FRMPD4: variants seen among roughly 807,000 people sequenced by gnomAD.
FRMPD4 encodes the protein FERM and PDZ domain containing 4.
Under a neutral mutation model 94.1 loss-of-function variants are expected in FRMPD4, and 22 were observed. That is an observed-to-expected ratio of 0.23 (90% CI 0.17 to 0.33). The LOEUF is 0.33. Ranked by LOEUF, FRMPD4 falls within the 10% of genes least tolerant of loss-of-function variation. The probability of loss-of-function intolerance (pLI) is 1.00; values close to 1 mark genes in which losing one functional copy is unlikely to be tolerated. For synonymous variants in FRMPD4, 631 were observed against 548.6 expected (o/e 1.15, Z -2.10); for missense variants, 1,111 against 1,339.9 (o/e 0.83, Z 2.67).
chrX:12,365,685 T>C (rs1224182048), intron 1 of FRMPD4, among the ~76,000 whole-genome samples: 1 of 111,958 alleles, frequency 8.9e-6, no homozygotes, highest in East Asian at 2.8e-4. Context: ...TTCACTTGCC[T>C]CTACCCATTC....
chrX:12,437,611 A>T (rs758530553), intron 1 of FRMPD4, among the ~76,000 whole-genome samples: 3 of 111,223 alleles, frequency 2.7e-5, no homozygotes, highest in African/African-American at 9.8e-5. Context: ...GAACTTTTTC[A>T]GTTTTACTCA....
chrX:12,224,335 A>G (rs2056900409), intron 1 of FRMPD4, among the ~76,000 whole-genome samples: 1 of 109,838 alleles, frequency 9.1e-6, no homozygotes, highest in Admixed American at 9.8e-5. Context: ...TGCAACCTCA[A>G]CCTCCCCAGG....
chrX:12,550,699 G>A (rs766176798), intron 2 of FRMPD4, among the ~76,000 whole-genome samples: 1 of 109,859 alleles, frequency 9.1e-6, no homozygotes, highest in East Asian at 2.8e-4. Flanking sequence ...TTGGACCTTG[G>A]GTACAAAAGA....
At chrX:11,891,088 A>G in intron 3 of FRMPD4, among the ~76,000 whole-genome samples, 1 of 112,571 alleles carries the variant, frequency 8.9e-6, no homozygotes, top group Admixed American at 9.3e-5. Context: ...CATTTTCTCT[A>G]CTTCCTCTTT....
At chrX:12,234,198 G>A (rs1000354231) in intron 1 of FRMPD4, among the ~76,000 whole-genome samples, 1 of 110,860 alleles carries the variant, frequency 9.0e-6, no homozygotes, top group East Asian at 2.8e-4. Context: ...GTGTGCATGC[G>A]CACAACCAGT....
At chrX:12,644,490 T>A (rs755206088) in intron 4 of FRMPD4, among the ~76,000 whole-genome samples, 63 of 111,446 alleles carry the variant, frequency 5.7e-4, no homozygotes, top group African/African-American at 1.8e-3. Flanking sequence ...ATTTCTGAGG[T>A]CCTAATTGAA....
At chrX:11,987,242 T>C (rs2054436426) in intron 3 of FRMPD4, among the ~76,000 whole-genome samples, 1 of 109,983 alleles carries the variant, frequency 9.1e-6, no homozygotes, top group African/African-American at 3.3e-5. Context: ...TGGGATATAT[T>C]GTAGAGATTC....
chrX:12,661,802 C>T (rs2059716783), intron 4 of FRMPD4, among the ~76,000 whole-genome samples: 1 of 112,001 alleles, frequency 8.9e-6, no homozygotes, highest in African/African-American at 3.2e-5. Flanking sequence ...AATCTCTCTT[C>T]AGAGTGTTGC....
intron 5 of FRMPD4, among the ~76,000 whole-genome samples, chrX:12,679,773 C>T (rs1284843297): frequency 8.9e-6 from 1 of 111,999 alleles, no homozygotes; most frequent in Non-Finnish European, 1.9e-5. Flanking sequence ...CCTTGTTTCC[C>T]AGAGGTTCCC....
chrX:12,505,108 A>C (rs747107600), intron 2 of FRMPD4, among the ~76,000 whole-genome samples: 1 of 111,835 alleles, frequency 8.9e-6, no homozygotes, highest in African/African-American at 3.2e-5. Context: ...TATCACAGGG[A>C]TGGCCAACCT....
chrX:12,500,008 C>T lies in FRMPD4; in HGVS notation c.158+1212C>T, dbSNP rs546626570. Among the ~76,000 whole-genome samples the T allele has an allele frequency of 1.6e-3, 175 of 110,627 alleles. 1 individual carries two copies. Among genetic ancestry groups the T allele is most frequent in the Middle Eastern group, 4.6e-3 (1 of 216 alleles). On this transcript the variant is annotated intron_variant, in intron 2 of 16. Coordinates refer to ENST00000675598, the MANE Select transcript of FRMPD4 (RefSeq NM_001368397.1). Reference sequence around the variant, plus strand: ...TGGCTGCAGAGTGGTTTTTTTGTTTCGTTTTTTTGTTTGTTTGTTTGTTTG... The same window carrying T: ...TGGCTGCAGAGTGGTTTTTTTGTTTTGTTTTTTTGTTTGTTTGTTTGTTTG...
intron 1 of FRMPD4, among the ~76,000 whole-genome samples, chrX:12,178,418 C>T (rs1276100089): frequency 8.9e-6 from 1 of 112,097 alleles, no homozygotes; most frequent in African/African-American, 3.2e-5. Flanking sequence ...CTACTCTAGT[C>T]TGCATGATAT....
intron 1 of FRMPD4, among the ~76,000 whole-genome samples, chrX:12,450,828 C>G (rs1163594177): frequency 7.0e-5 from 6 of 85,735 alleles, no homozygotes; most frequent in African/African-American, 2.6e-4. Context: ...ATGGAAATAA[C>G]TCTTTGGTTT....
chrX:12,423,520 T>TGATA (rs1190515360), intron 1 of FRMPD4, among the ~76,000 whole-genome samples: 2 of 111,857 alleles, frequency 1.8e-5, no homozygotes, highest in Non-Finnish European at 3.8e-5. Context: ...TCCACCTTTT[T>TGATA]GATATATTTC....
intron 1 of FRMPD4, among the ~76,000 whole-genome samples, chrX:12,413,188 A>T (rs747396206): frequency 9.0e-6 from 1 of 111,694 alleles, no homozygotes; most frequent in African/African-American, 3.3e-5. Flanking sequence ...AATGATTGAC[A>T]TGAGTCGGTA....
intron 1 of FRMPD4, among the ~76,000 whole-genome samples, chrX:12,214,393 C>T (rs1421302088): frequency 8.9e-6 from 1 of 112,021 alleles, no homozygotes; most frequent in Non-Finnish European, 1.9e-5. Flanking sequence ...CTTCATTTGT[C>T]ATAGGAACTC....
chrX:12,581,676 T>G (rs1246469774), intron 2 of FRMPD4, among the ~76,000 whole-genome samples: 3 of 111,891 alleles, frequency 2.7e-5, no homozygotes, highest in Admixed American at 9.4e-5. Context: ...TCTGTCCTCA[T>G]GTCCTGCTAC....
chrX:11,882,056 C>T (rs892980453), intron 3 of FRMPD4, among the ~76,000 whole-genome samples: 10 of 111,562 alleles, frequency 9.0e-5, no homozygotes, highest in African/African-American at 3.3e-4. Context: ...TGTCTACCCT[C>T]AACCATTTTC....
intron 1 of FRMPD4, among the ~76,000 whole-genome samples, chrX:12,345,663 G>A (rs773385010): frequency 1.3e-4 from 15 of 112,146 alleles, no homozygotes; most frequent in African/African-American, 4.9e-4. Context: ...TGTGGATACT[G>A]GGAGACTGGG....
Sources: allele counts gnomAD v4.1 joint callset (sites outside exome capture counted in the v4.1 genomes callset), GRCh38; gene constraint gnomAD v4.1.1; transcripts MANE v1.5; gene names NCBI Gene and HGNC (gene_info 2026-07-23, HGNC 2026-07-21).